RORA: variants seen among roughly 807,000 people sequenced by gnomAD.
RORA encodes the protein nuclear receptor ROR-alpha.
Under a neutral mutation model 69.5 loss-of-function variants are expected in RORA, and 7 were observed. The observed-to-expected ratio is 0.10, with a 90% CI of 0.06 to 0.19. The LOEUF is 0.19. RORA is among the 10% of genes least tolerant of loss of function. RORA has a pLI of 1.00. For synonymous variants in RORA, 261 were observed against 240.8 expected (o/e 1.08, Z -0.78); for missense variants, 457 against 663.0 (o/e 0.69, Z 3.41).
At chr15:60,968,732 T>C (rs1258897158) in intron 1 of RORA, among the ~76,000 whole-genome samples, 3 of 152,230 alleles carry the variant, frequency 2.0e-5, no homozygotes, top group Non-Finnish European at 4.4e-5. Flanking sequence ...CCCATCTTTC[T>C]TTGTAGTGTA....
intron 1 of RORA, among the ~76,000 whole-genome samples, chr15:61,059,732 C>G (rs2078144926): frequency 2.6e-5 from 4 of 151,730 alleles, no homozygotes; most frequent in Admixed American, 2.6e-4. Flanking sequence ...AGCCTGAAAG[C>G]TGGGAAAAGG....
intron 1 of RORA, among the ~76,000 whole-genome samples, chr15:61,058,611 A>G (rs2078127931): frequency 6.6e-6 from 1 of 152,196 alleles, no homozygotes; most frequent in Non-Finnish European, 1.5e-5. Flanking sequence ...AGGACAGAAC[A>G]AAATTGCTGA....
At position 61,061,594 on chromosome 15, in the gene RORA, T is replaced by C. The variant is rs1029055192; in HGVS notation, c.166+167459A>G. ...ACGTACCAACCTCTAAGCCCCTTTA[T>C]GGTTGATTCATTCCTAGGTATATTA... On this transcript the variant is annotated intron_variant, in intron 1 of 10. Transcript: ENST00000335670. This position sits in a 1 kb window ranked among gnomAD's most constrained non-coding sequence, Gnocchi z 4.4. Among the ~76,000 whole-genome samples the C allele has an allele frequency of 2.6e-5, 4 of 152,138 alleles. No individual in the cohort carries two copies. Among genetic ancestry groups the C allele is most frequent in the African/African-American group, 2.4e-5 (1 of 41,414 alleles).
intron 1 of RORA, among the ~76,000 whole-genome samples, chr15:60,973,461 G>T (rs528350872): frequency 6.6e-6 from 1 of 152,174 alleles, no homozygotes; most frequent in Non-Finnish European, 1.5e-5. Flanking sequence ...TGAGGGTCGG[G>T]CAGGGTGGCT....
intron 1 of RORA, among the ~76,000 whole-genome samples, chr15:61,086,688 T>G (rs1595968746): frequency 6.9e-6 from 1 of 144,474 alleles, no homozygotes; most frequent in Admixed American, 6.9e-5. Context: ...TCTAAAAAAG[T>G]TTTTTTTTTT....
At chr15:60,702,369 T>G (rs1267189651) in intron 1 of RORA, among the ~76,000 whole-genome samples, 1 of 152,112 alleles carries the variant, frequency 6.6e-6, no homozygotes, top group African/African-American at 2.4e-5. Context: ...GTAGCTGGGA[T>G]TACAGGCACG....
In RORA at chr15:60,909,612, T is replaced by C. The variant is rs139877776; in HGVS notation, c.167-230926A>G. Among the ~76,000 whole-genome samples the C allele has an allele frequency of 1.4e-3, 214 of 152,286 alleles. 1 individual carries two copies. The highest frequency in any genetic ancestry group is 4.2e-3 in the African/African-American group (174 of 41,558). On this transcript the variant is annotated intron_variant, in intron 1 of 10. Coordinates refer to ENST00000335670, the MANE Select transcript of RORA (RefSeq NM_134261.3). Reference sequence around the variant, plus strand: ...GATTTGTTAAAGTAGCCAATCTACTTCCCTCATTTTATAGGCAGAGAGACA... The same window carrying C: ...GATTTGTTAAAGTAGCCAATCTACTCCCCTCATTTTATAGGCAGAGAGACA...
At chr15:60,933,454 C>T (rs532788919) in intron 1 of RORA, among the ~76,000 whole-genome samples, 9 of 152,280 alleles carry the variant, frequency 5.9e-5, no homozygotes, top group African/African-American at 1.7e-4. Context: ...AGATCAAATG[C>T]GACCTCCTCC....
chr15:60,879,030 T>C (rs1011151561), intron 1 of RORA, among the ~76,000 whole-genome samples: 6 of 152,200 alleles, frequency 3.9e-5, no homozygotes, highest in African/African-American at 1.4e-4. Context: ...TTCTACTTCT[T>C]GGAGTCATGA....
At chr15:61,220,252 G>C (rs956844075) in intron 1 of RORA, among the ~76,000 whole-genome samples, 1 of 152,166 alleles carries the variant, frequency 6.6e-6, no homozygotes, top group South Asian at 2.1e-4. Flanking sequence ...GGACAATTGA[G>C]AGTTATGAGC....
At chr15:60,898,947 C>T (rs561813476) in intron 1 of RORA, among the ~76,000 whole-genome samples, 1 of 152,230 alleles carries the variant, frequency 6.6e-6, no homozygotes, top group South Asian at 2.1e-4. Context: ...ATAGATGAGA[C>T]CATGGTAGAT....
Position 60,870,946 on chromosome 15 carries a change from C to T in RORA, c.167-192260G>A, listed in dbSNP as rs149586222. ...TTTTTAAACAACTTCTTAACTCTCT[C>T]AGTTACTCTACTAGTCCTGTTAGGA... On this transcript the variant is annotated intron_variant, in intron 1 of 10. Coordinates refer to ENST00000335670, the MANE Select transcript of RORA (RefSeq NM_134261.3). Among the ~76,000 whole-genome samples the T allele has an allele frequency of 1.7e-3, 258 of 152,332 alleles. 1 individual carries two copies. The highest frequency in any genetic ancestry group is 5.9e-3 in the African/African-American group (247 of 41,566).
At chr15:60,904,895 AC>A (rs1431706631) in intron 1 of RORA, among the ~76,000 whole-genome samples, 1 of 152,152 alleles carries the variant, frequency 6.6e-6, no homozygotes, top group African/African-American at 2.4e-5. Flanking sequence ...AGACATTGAT[AC>A]AGCTCAGAAT....
At chr15:60,908,978 T>C (rs1188377622) in intron 1 of RORA, among the ~76,000 whole-genome samples, 1 of 152,098 alleles carries the variant, frequency 6.6e-6, no homozygotes, top group Non-Finnish European at 1.5e-5. Flanking sequence ...CATTTCTCCC[T>C]CAGTGGCTAA....
intron 1 of RORA, among the ~76,000 whole-genome samples, chr15:60,752,191 C>G (rs572464902): frequency 5.3e-5 from 8 of 152,220 alleles, no homozygotes; most frequent in South Asian, 4.2e-4. Flanking sequence ...AGAGAAGCGT[C>G]TTAGAGCAGT....
At chr15:60,523,420 A>G (rs1255049354) in intron 3 of RORA, among the ~76,000 whole-genome samples, 2 of 152,230 alleles carry the variant, frequency 1.3e-5, no homozygotes, top group Admixed American at 6.5e-5. Flanking sequence ...AATATTGTAT[A>G]TTTTATTATT....
intron 1 of RORA, among the ~76,000 whole-genome samples, chr15:61,192,766 T>C (rs942637513): frequency 6.6e-6 from 1 of 152,198 alleles, no homozygotes; most frequent in Admixed American, 6.5e-5. Context: ...GAGACTTGAG[T>C]TCACCTCCCA....
At chr15:61,095,505 AG>A (rs2078775869) in intron 1 of RORA, among the ~76,000 whole-genome samples, 1 of 152,246 alleles carries the variant, frequency 6.6e-6, no homozygotes, top group South Asian at 2.1e-4. Flanking sequence ...TACCCATCTG[AG>A]GAATCTTGGC....
intron 1 of RORA, among the ~76,000 whole-genome samples, chr15:60,859,344 A>C (rs2073412920): frequency 6.6e-6 from 1 of 152,060 alleles, no homozygotes; most frequent in Non-Finnish European, 1.5e-5. Context: ...CTTGCAACTC[A>C]AAGTGTGGCT....
Sources: allele counts gnomAD v4.1 joint callset (sites outside exome capture counted in the v4.1 genomes callset), GRCh38; gene constraint gnomAD v4.1.1; non-coding constraint Gnocchi (gnomAD v3.1); transcripts MANE v1.5; gene names NCBI Gene and HGNC (gene_info 2026-07-23, HGNC 2026-07-21).